Variants in PIWIL3 observed in about 807,000 individuals in gnomAD.
The protein encoded by PIWIL3 is piwi-like protein 3.
In PIWIL3, 101 loss-of-function variants were observed where a neutral mutation model predicts 109.7. The observed-to-expected ratio is 0.92, with a 90% CI of 0.78 to 1.09. The LOEUF (loss-of-function observed/expected upper bound fraction) is 1.09. Among genes scored for constraint, PIWIL3 ranks in the 50% least tolerant of loss-of-function variants. PIWIL3 has a pLI of 0.00. For synonymous variants in PIWIL3, 373 were observed against 376.4 expected, an observed-to-expected ratio of 0.99 and a Z score of 0.10; for missense variants, 1,031 against 1,072.6, an observed-to-expected ratio of 0.96 and a Z score of 0.54.
At position 24,728,251 on chromosome 22, in the gene PIWIL3, T is replaced by C; in HGVS notation, c.1831A>G (p.Arg611Gly). ...VKKTLEKVQARTIVTKIAQQM... is the reference protein window; with the variant it reads ...VKKTLEKVQAGTIVTKIAQQM... ...TGGGCAATCTTGGTGACGATGGTCC[T>C]TGCCTGGACTTTTTCTAAGGTCTTT... The change falls in exon 15 of 21, where the codon AGG becomes GGG. Residue 611 changes from arginine to glycine, a missense_variant. Coordinates refer to ENST00000616349, the MANE Select transcript of PIWIL3 (RefSeq NM_001255975.1). 1 of 1,614,246 alleles carries C rather than the reference T, an allele frequency of 6.2e-7. No individual in the cohort carries two copies. Among genetic ancestry groups the C allele is most frequent in the Non-Finnish European group, 8.5e-7 (1 of 1,180,038 alleles).
At position 24,751,569 on chromosome 22, in the gene PIWIL3, C is replaced by T. The variant is rs7286046; in HGVS notation, c.978-71G>A. On this transcript the variant is annotated intron_variant, in intron 8 of 20. Transcript: ENST00000616349. ...TGGAACCATCCACACAGAAAATAGA[C>T]ATTTTTAATCCTGCAAGGAATTGCA... 5,341 of 1,558,504 alleles carry T rather than the reference C, an allele frequency of 3.4e-3. 164 individuals carry two copies. In the African/African-American group the frequency reaches 0.065, roughly 19 times the overall value.
rs1924999624 is a variant in PIWIL3, at chr22:24,755,894, C to A, written c.582G>T (p.Trp194Cys). 1 of 1,611,960 alleles carries A rather than the reference C, an allele frequency of 6.2e-7. No individual in the cohort carries two copies. The highest frequency in any genetic ancestry group is 8.5e-7 in the Non-Finnish European group (1 of 1,179,328). ...SRPLKERRVE[W>C]LSTTKDKNIV... ...TGTTTTTGTCTTTGGTTGTGCTCAA[C>A]CATTCCACTCTCTGAGATTAAAAAA... The change falls in exon 6 of 21, where the codon TGG becomes TGT. Residue 194 changes from tryptophan (W) to cysteine (C), a missense_variant. By Grantham distance (215) the Trp-to-Cys change is radical (BLOSUM62 -2). Coordinates refer to ENST00000616349, the MANE Select transcript of PIWIL3 (RefSeq NM_001255975.1).
intron 18 of PIWIL3, 21 bp from the exon 19 acceptor site, chr22:24,723,276 T>C: frequency 6.2e-7 from 1 of 1,600,554 alleles, no homozygotes; most frequent in Non-Finnish European, 8.5e-7. Context: ...TTAGGGTAAG[T>C]GTCACTATGT....
At position 24,756,494 on chromosome 22, in the gene PIWIL3, C is replaced by T. The variant is rs375546009; in HGVS notation, c.567G>A (p.Glu189=). 2 of 1,612,174 alleles carry T rather than the reference C, an allele frequency of 1.2e-6. No individual in the cohort carries two copies. Among genetic ancestry groups the T allele is most frequent in the African/African-American group, 1.3e-5 (1 of 74,858 alleles). ...ATGTGAAACAACATTACTTAACCCG[C>T]TCTTTTAGTGGCCGAGATAATAATA... is the stretch of plus-strand genomic sequence containing the variant. ...NSLLLSRPLK[E]RRVEWLSTTK... is the part of the protein sequence containing the mutation. Residue 189 remains glutamate, a synonymous_variant, in exon 5 of 21, where the codon GAG becomes GAA. Transcript: ENST00000616349.
At chr22:24,720,989 A>C (rs1601819479) in intron 19 of PIWIL3, among the ~76,000 whole-genome samples, 1 of 152,216 alleles carries the variant, frequency 6.6e-6, no homozygotes, top group East Asian at 1.9e-4. Flanking sequence ...TATGAAATCA[A>C]GGCTTTTTTA....
At chr22:24,719,944 T>C in intron 19 of PIWIL3, 49 bp from the exon 20 acceptor site, 2 of 1,437,060 alleles carry the variant, frequency 1.4e-6, no homozygotes, top group Non-Finnish European at 1.9e-6. Context: ...AAAGAGGGTA[T>C]ATAGTAAACT....
rs1337591356 is a variant in PIWIL3, at chr22:24,746,897, C to T, written c.1449+2010G>A. On this transcript the variant is annotated intron_variant, in intron 12 of 20. Coordinates refer to ENST00000616349, the MANE Select transcript of PIWIL3 (RefSeq NM_001255975.1). Reference sequence around the variant, plus strand: ...TTCCATGTTCATGAATTAGAAGAATCGATACATTAAAATGTCCATATTATC... The same window carrying T: ...TTCCATGTTCATGAATTAGAAGAATTGATACATTAAAATGTCCATATTATC... Among the ~76,000 whole-genome samples the T allele has an allele frequency of 2.0e-5, 3 of 151,960 alleles. No homozygotes were observed. In the East Asian group the frequency reaches 5.8e-4, roughly 29 times the overall value.
At chr22:24,762,021 C>T in intron 2 of PIWIL3, 1 of 1,000,788 alleles carries the variant, frequency 1.0e-6, no homozygotes, top group Non-Finnish European at 1.2e-6. Flanking sequence ...GCAGGCATAA[C>T]AAGTTTTCAA....
intron 1 of PIWIL3, among the ~76,000 whole-genome samples, chr22:24,765,563 C>G (rs533858014): frequency 6.6e-6 from 1 of 151,950 alleles, no homozygotes. Flanking sequence ...TCTTACAGAT[C>G]GTGTAGATTG....
chr22:24,753,913 C>T (rs1924854416), intron 8 of PIWIL3, 101 bp downstream of exon 8: 2 of 1,025,258 alleles, frequency 2.0e-6, no homozygotes, highest in Non-Finnish European at 2.9e-6. Context: ...TTCTACTCCT[C>T]AACTTCAACA....
intron 12 of PIWIL3, among the ~76,000 whole-genome samples, chr22:24,737,391 C>T (rs927944796): frequency 6.6e-6 from 1 of 152,118 alleles, no homozygotes; most frequent in Non-Finnish European, 1.5e-5. Flanking sequence ...AGGCAGGTTT[C>T]ATCACCTACT....
intron 1 of PIWIL3, among the ~76,000 whole-genome samples, chr22:24,771,362 C>T (rs1926123848): frequency 6.6e-6 from 1 of 151,630 alleles, no homozygotes; most frequent in Non-Finnish European, 1.5e-5. Flanking sequence ...CCTGTAGTCC[C>T]AGCTACTTGG....
intron 12 of PIWIL3, among the ~76,000 whole-genome samples, chr22:24,742,729 A>G (rs1648699627): frequency 6.6e-6 from 1 of 152,220 alleles, no homozygotes; most frequent in Admixed American, 6.5e-5. Flanking sequence ...CTCATCTCTC[A>G]CCTTATACAA....
At chr22:24,740,376 G>A (rs528351930) in intron 12 of PIWIL3, among the ~76,000 whole-genome samples, 16 of 151,466 alleles carry the variant, frequency 1.1e-4, no homozygotes, top group South Asian at 1.0e-3. Flanking sequence ...GTGAAACCCC[G>A]TCTCTACTAA....
intron 14 of PIWIL3, among the ~76,000 whole-genome samples, chr22:24,732,567 T>TAA (rs1274379982): frequency 6.6e-6 from 1 of 152,174 alleles, no homozygotes; most frequent in Non-Finnish European, 1.5e-5. Context: ...CTCACGCCTG[T>TAA]AATCCCAGCA....
intron 1 of PIWIL3, among the ~76,000 whole-genome samples, chr22:24,764,625 CGTGT>C (rs140531011): frequency 0.059 from 7,911 of 134,636 alleles, 242 homozygotes; most frequent in South Asian, 0.079. Context: ...TTGACCTTGC[CGTGT>C]GTGTGTGTGT....
At chr22:24,756,139 A>G (rs1402115153) in intron 5 of PIWIL3, among the ~76,000 whole-genome samples, 2 of 152,192 alleles carry the variant, frequency 1.3e-5, no homozygotes, top group Non-Finnish European at 2.9e-5. Flanking sequence ...TTAATTGTTC[A>G]GTTAATATAA....
rs768824947 is a variant in PIWIL3, at chr22:24,759,857, G to A, written c.223+12C>T. 5.0e-5 allele frequency: 80 copies of A among 1,613,778 alleles called. 1 individual carries two copies. The highest frequency in any genetic ancestry group is 3.3e-4 in the Middle Eastern group (2 of 6,078). Reference sequence around the variant, plus strand: ...ATCCCCTGCCCCTCATGTCCTTCTTGCTTCCTTTCACCTTGAGACTGTGCT... The same window carrying A: ...ATCCCCTGCCCCTCATGTCCTTCTTACTTCCTTTCACCTTGAGACTGTGCT... On this transcript the variant is annotated intron_variant, in intron 3 of 20. Transcript: ENST00000616349.
chr22:24,752,783 T>TA (rs1348390306), intron 8 of PIWIL3, among the ~76,000 whole-genome samples: 1 of 152,150 alleles, frequency 6.6e-6, no homozygotes, highest in East Asian at 1.9e-4. Flanking sequence ...TTAATATTCC[T>TA]ACAAGCAGCA....
Sources: gnomAD v4.1 joint callset for allele counts (sites outside exome capture counted in the v4.1 genomes callset) on GRCh38, gnomAD v4.1.1 for gene constraint, MANE v1.5 for transcripts, NCBI Gene and HGNC (gene_info 2026-07-23, HGNC 2026-07-21) for gene names.